Variants in RNF126 observed in about 807,000 individuals in gnomAD.
RNF126 encodes E3 ubiquitin-protein ligase RNF126.
Under a neutral mutation model 41.9 loss-of-function variants are expected in RNF126, and 20 were observed. The ratio of observed to expected loss-of-function variants is 0.48; its 90% CI spans 0.34 to 0.69. The LOEUF (loss-of-function observed/expected upper bound fraction) is 0.69, where lower values mean the gene tolerates loss of function less well. Ranked by LOEUF, RNF126 falls within the 30% of genes least tolerant of loss-of-function variation. The pLI is 0.01. For missense variants in RNF126, 433 were observed against 460.6 expected, an observed-to-expected ratio of 0.94 and a Z score of 0.55; for synonymous variants, 239 against 202.9, an observed-to-expected ratio of 1.18 and a Z score of -1.51.
chr19:656,934 C>T (rs987219285), intron 1 of RNF126, among the ~76,000 whole-genome samples: 1 of 152,186 alleles, frequency 6.6e-6, no homozygotes, highest in African/African-American at 2.4e-5. Context: ...TGACCGGGAG[C>T]CCAGGGCCGC....
chr19:651,487 G>T, intron 4 of RNF126, 124 bp downstream of exon 4: 1 of 996,464 alleles, frequency 1.0e-6, no homozygotes, highest in Non-Finnish European at 1.3e-6. Flanking sequence ...GCCTGGCCGG[G>T]CGGCCTCTCC....
intron 1 of RNF126, among the ~76,000 whole-genome samples, chr19:656,713 C>T (rs1357949195): frequency 1.3e-5 from 2 of 152,058 alleles, no homozygotes; most frequent in Non-Finnish European, 2.9e-5. Flanking sequence ...TGGCCCTGAG[C>T]TTAGTGTGGG....
chr19:648,827 G>A (rs1600627029), intron 7 of RNF126, 55 bp downstream of exon 7: 3 of 1,054,986 alleles, frequency 2.8e-6, no homozygotes, highest in East Asian at 5.1e-5. Context: ...GTATGAGCCA[G>A]GCGTGGCGGC....
intron 5 of RNF126, among the ~76,000 whole-genome samples, 198 bp from the exon 6 acceptor site, chr19:649,946 C>G (rs547472539): frequency 7.0e-6 from 1 of 143,454 alleles, no homozygotes. Flanking sequence ...ACAGGCACCC[C>G]CTCCTACTCA....
rs1311444179 is a variant in RNF126 at position 659,481 on chromosome 19, C to A, written c.75+3566G>T. Reference sequence around the variant, plus strand: ...GGGGGTCGGCAGGCAGAGCTGGAACCACCCTAGGAACCACCCAGAGACGGG... The same window carrying A: ...GGGGGTCGGCAGGCAGAGCTGGAACAACCCTAGGAACCACCCAGAGACGGG... On this transcript the variant is annotated intron_variant, in intron 1 of 8. Coordinates refer to ENST00000292363, the MANE Select transcript of RNF126 (RefSeq NM_194460.3). This position sits in a 1 kb window ranked among gnomAD's most constrained non-coding sequence, Gnocchi z 4.9. Among the ~76,000 whole-genome samples the A allele has an allele frequency of 6.6e-6, 1 of 152,124 alleles. No individual in the cohort carries two copies. The highest frequency in any genetic ancestry group is 1.9e-4 in the East Asian group (1 of 5,162).
Position 659,999 on chromosome 19 carries a change from A to G in RNF126, c.75+3048T>C, listed in dbSNP as rs1439732955. Among the ~76,000 whole-genome samples the G allele has an allele frequency of 2.0e-5, 3 of 152,184 alleles. No individual in the cohort carries two copies. Among genetic ancestry groups the G allele is most frequent in the African/African-American group, 7.2e-5 (3 of 41,452 alleles). On this transcript the variant is annotated intron_variant, in intron 1 of 8. Coordinates refer to ENST00000292363, the MANE Select transcript of RNF126 (RefSeq NM_194460.3). The surrounding 1 kb of genome is among the most constrained non-coding windows in gnomAD (Gnocchi z 4.9). The stretch of plus-strand genomic sequence containing the variant: ...AGGCTGGTCTCGAACTCCTGACCTC[A>G]GGTGATCCGTCCACCTCAGCCTCCC...
chr19:658,594 C>T (rs1462011460), intron 1 of RNF126, among the ~76,000 whole-genome samples: 2 of 152,216 alleles, frequency 1.3e-5, no homozygotes, highest in African/African-American at 4.8e-5. Flanking sequence ...GCGGCGCCTG[C>T]ACCCCTTTCT....
rs1343367637 is a variant in RNF126, at chr19:648,875, C to G, written c.670+7G>C. ...TTCCCACTACTCGGGAGGCTGAGCT[C>G]TCATACCTACGTGCTCCTCAGTGAC... On this transcript the variant is annotated splice_region_variant and intron_variant, in intron 7 of 8. Transcript: ENST00000292363. 1.4e-6 allele frequency: 2 copies of G among 1,443,260 alleles called. No homozygotes were observed. Among genetic ancestry groups the G allele is most frequent in the Non-Finnish European group, 1.8e-6 (2 of 1,092,738 alleles). The allele number at this position is 1,443,260 out of a possible 1,614,324, so 89.4% of individuals were successfully genotyped here.
At chr19:653,741 G>A (rs919732162) in intron 1 of RNF126, among the ~76,000 whole-genome samples, 1 of 152,224 alleles carries the variant, frequency 6.6e-6, no homozygotes, top group African/African-American at 2.4e-5. Context: ...ACAGCCTGCA[G>A]AACTGGAAAC....
chr19:659,525 G>A lies in RNF126; in HGVS notation c.75+3522C>T, dbSNP rs1004825853. ...AGACGGGGAGGTCAGGGGCAAGGAC[G>A]GCACGCAGGGCCACCTCCCTGCGCC... On this transcript the variant is annotated intron_variant, in intron 1 of 8. Transcript: ENST00000292363. The surrounding 1 kb of genome is among the most constrained non-coding windows in gnomAD (Gnocchi z 4.9). Among the ~76,000 whole-genome samples the A allele has an allele frequency of 5.9e-5, 9 of 152,120 alleles. No individual in the cohort carries two copies. Among genetic ancestry groups the A allele is most frequent in the African/African-American group, 9.7e-5 (4 of 41,412 alleles).
Position 652,314 on chromosome 19 carries a change from G to A in RNF126, c.135-18C>T, listed in dbSNP as rs1600633431. On this transcript the variant is annotated intron_variant, in intron 2 of 8. Transcript: ENST00000292363. Reference sequence around the variant, plus strand: ...CTGTGCTCCTGGGGAGAGAGTGCAGGTCAGCAGTGCCGGCTACCCTGTGCC... The same window carrying A: ...CTGTGCTCCTGGGGAGAGAGTGCAGATCAGCAGTGCCGGCTACCCTGTGCC... 6.4e-7 allele frequency: 1 copy of A among 1,552,424 alleles called. No individual in the cohort carries two copies.
At position 652,264 on chromosome 19, in the gene RNF126, G is replaced by A. The variant is rs199880261; in HGVS notation, c.167C>T (p.Ala56Val). 1 of 1,552,284 alleles carries A rather than the reference G, an allele frequency of 6.4e-7. No homozygotes were observed. The highest frequency in any genetic ancestry group is 2.4e-5 in the East Asian group (1 of 42,250). The change falls in exon 3 of 9, where the codon GCT becomes GTT. Residue 56 changes from alanine to valine, a missense_variant. Physicochemically the swap from Ala to Val is moderately conservative, Grantham distance 64. Around this residue, in one of 5 missense-constraint regions of RNF126, gnomAD observed 247 missense variants for 224.7 expected, o/e 1.10. Coordinates refer to ENST00000292363, the MANE Select transcript of RNF126 (RefSeq NM_194460.3). ...STENGSAPST[A>V]PTDQSRPPLE... ...CGGTGGCCGGCTCTGGTCTGTGGGAGCTGTGGAGGGGGCAGAACCATTTTC... is the reference window on the plus strand; with the variant it reads ...CGGTGGCCGGCTCTGGTCTGTGGGAACTGTGGAGGGGGCAGAACCATTTTC...
rs570425130 is a variant in RNF126 at position 660,949 on chromosome 19, C to T, written c.75+2098G>A. On this transcript the variant is annotated intron_variant, in intron 1 of 8. Transcript: ENST00000292363. Reference sequence around the variant, plus strand: ...ACCCGCGGGGTGGACACGGGCAGGCCCCCGCAGCCCTCTCTGCAGTTATTT... The same window carrying T: ...ACCCGCGGGGTGGACACGGGCAGGCTCCCGCAGCCCTCTCTGCAGTTATTT... Among the ~76,000 whole-genome samples, 4 of 152,376 alleles carry T rather than the reference C, an allele frequency of 2.6e-5. No individual in the cohort carries two copies. The East Asian group carries it at 7.7e-4, about 29-fold the overall frequency.
At position 649,663 on chromosome 19, in the gene RNF126, C is replaced by T. The variant is rs555992603; in HGVS notation, c.576+16G>A. ...CCCTCCCCCAGCAGGCACTCTGGGCCGTGGCCACGCTGTACCTGTGTGATG... is the reference window on the plus strand; with the variant it reads ...CCCTCCCCCAGCAGGCACTCTGGGCTGTGGCCACGCTGTACCTGTGTGATG... On this transcript the variant is annotated intron_variant, in intron 6 of 8. Coordinates refer to ENST00000292363, the MANE Select transcript of RNF126 (RefSeq NM_194460.3). 32 of 1,554,510 alleles carry T rather than the reference C, an allele frequency of 2.1e-5. No individual in the cohort carries two copies. Among genetic ancestry groups the T allele is most frequent in the South Asian group, 1.2e-4 (10 of 84,760 alleles).
In RNF126 at chr19:654,133, G is replaced by A. The variant is rs569457805; in HGVS notation, c.76-1249C>T. On this transcript the variant is annotated intron_variant, in intron 1 of 8. Coordinates refer to ENST00000292363, the MANE Select transcript of RNF126 (RefSeq NM_194460.3). ...ACAGCTGGGCCCCCGCCCACACCACGCCGTGCCTGCCTCACCTGCTCCTGC... is the reference window on the plus strand; with the variant it reads ...ACAGCTGGGCCCCCGCCCACACCACACCGTGCCTGCCTCACCTGCTCCTGC... Among the ~76,000 whole-genome samples, 12 of 152,346 alleles carry A rather than the reference G, an allele frequency of 7.9e-5. No individual in the cohort carries two copies. The East Asian group carries it at 1.4e-3, about 17-fold the overall frequency.
intron 2 of RNF126, 184 bp from the exon 3 acceptor site, chr19:652,480 T>C (rs2030357510): frequency 3.2e-6 from 2 of 618,524 alleles, no homozygotes; most frequent in Admixed American, 3.3e-5. Flanking sequence ...AAACCACGGG[T>C]TTCTCGATAA....
chr19:650,450 C>G, intron 4 of RNF126, 154 bp from the exon 5 acceptor site: 1 of 643,100 alleles, frequency 1.6e-6, no homozygotes, highest in Non-Finnish European at 2.6e-6. Flanking sequence ...CAGGGTCTCA[C>G]TCTAATGCCG....
rs2030712270 is a variant in RNF126 at position 659,704 on chromosome 19, C to T, written c.75+3343G>A. On this transcript the variant is annotated intron_variant, in intron 1 of 8. Transcript: ENST00000292363. The surrounding 1 kb of genome is among the most constrained non-coding windows in gnomAD (Gnocchi z 4.9). The stretch of plus-strand genomic sequence containing the variant: ...CTGGCCTGTCTGGTTCCTGCCGCCA[C>T]ACGCCCCACTCTGGCTGACGCTCCC... 6.6e-6 allele frequency among the ~76,000 whole-genome samples: 1 copy of T among 152,098 alleles called. No individual in the cohort carries two copies. The highest frequency in any genetic ancestry group is 1.5e-5 in the Non-Finnish European group (1 of 67,994).
At position 663,150 on chromosome 19, in the gene RNF126, G is replaced by GC. The variant is rs1412790490; in HGVS notation, c.-30dup. 25 of 1,133,912 alleles carry GC rather than the reference G, an allele frequency of 2.2e-5. No individual in the cohort carries two copies. Among genetic ancestry groups the GC allele is most frequent in the South Asian group, 1.1e-4 (3 of 26,212 alleles). The allele number at this position is 1,133,912 out of a possible 1,614,324, so 70.2% of individuals were successfully genotyped here. ...CGCCGCCACCTACTCCGCGCCGCCCGCCCCCCGCGCGGCACCCGCCGCCGG... is the reference window on the plus strand; with the variant it reads ...CGCCGCCACCTACTCCGCGCCGCCCGCCCCCCCGCGCGGCACCCGCCGCCGG... On this transcript the variant is annotated 5_prime_UTR_variant, in exon 1 of 9. Coordinates refer to ENST00000292363, the MANE Select transcript of RNF126 (RefSeq NM_194460.3).
Sources: gnomAD v4.1 joint callset for allele counts (sites outside exome capture counted in the v4.1 genomes callset) on GRCh38, gnomAD v4.1.1 for gene constraint, gnomAD v4.1.1 regional missense constraint, Gnocchi (gnomAD v3.1) non-coding constraint, MANE v1.5 for transcripts, NCBI Gene and HGNC (gene_info 2026-07-23, HGNC 2026-07-21) for gene names.